Variants in LIMA1 observed in about 807,000 individuals in gnomAD.
LIMA1 encodes the protein LIM domain and actin binding 1.
LIMA1 carries 52 observed loss-of-function variants against 62.6 expected under a neutral mutation model. The observed-to-expected ratio is 0.83, with a 90% confidence interval of 0.67 to 1.05. The LOEUF is 1.05. Ranked by LOEUF, LIMA1 falls within the 50% of genes least tolerant of loss-of-function variation. The probability of loss-of-function intolerance (pLI) is 0.00; values close to 1 mark genes in which losing one functional copy is unlikely to be tolerated. For missense variants in LIMA1, 780 were observed against 902.2 expected (o/e 0.86, Z 1.74); for synonymous variants, 302 against 317.8 (o/e 0.95, Z 0.53).
intron 1 of LIMA1, among the ~76,000 whole-genome samples, chr12:50,269,033 G>A (rs913627864): frequency 6.6e-6 from 1 of 152,074 alleles, no homozygotes; most frequent in Non-Finnish European, 1.5e-5. Flanking sequence ...GCTCCTTTTG[G>A]CTCAAGTCTA....
At position 50,198,623 on chromosome 12, in the gene LIMA1, T is replaced by A. The variant is rs143116104; in HGVS notation, c.972+2154A>T. ...GTTGCTCTTAATCCATTTAATGATC[T>A]CCATGTCTTTTGGAAGAATGGCGTC... On this transcript the variant is annotated intron_variant, in intron 7 of 10. Transcript: ENST00000341247. Among the ~76,000 whole-genome samples, 57 of 152,284 alleles carry A rather than the reference T, an allele frequency of 3.7e-4. 1 individual carries two copies. The highest frequency in any genetic ancestry group is 6.8e-3 in the Middle Eastern group (2 of 294).
chr12:50,191,649 G>A (rs1426376532), intron 9 of LIMA1, among the ~76,000 whole-genome samples: 1 of 151,902 alleles, frequency 6.6e-6, no homozygotes, highest in Non-Finnish European at 1.5e-5. Flanking sequence ...GTGAAACCCC[G>A]TCTCTACTAA....
intron 1 of LIMA1, among the ~76,000 whole-genome samples, chr12:50,270,009 C>T (rs548537953): frequency 2.1e-5 from 3 of 140,814 alleles, no homozygotes; most frequent in East Asian, 2.2e-4. Flanking sequence ...CCGAGGTGGG[C>T]GGATCACCTG....
At chr12:50,256,229 C>T in intron 1 of LIMA1, 1 of 149,034 alleles carries the variant, frequency 6.7e-6, no homozygotes, top group South Asian at 2.1e-4. Flanking sequence ...TTTTTTTAAA[C>T]TTTTTTTTTT....
rs559226081 is a variant in LIMA1, at chr12:50,210,946, G to A, written c.631-4878C>T. Among the ~76,000 whole-genome samples, 12 of 152,236 alleles carry A rather than the reference G, an allele frequency of 7.9e-5. 2 individuals are homozygous for A. In the South Asian group the frequency reaches 2.5e-3, roughly 32 times the overall value. ...GAGAAACACAGCTGTGAGGTAAGAT[G>A]GGTTTTCATGATATCGCAGGTTCAG... On this transcript the variant is annotated intron_variant, in intron 4 of 10. Coordinates refer to ENST00000341247, the MANE Select transcript of LIMA1 (RefSeq NM_016357.5).
chr12:50,206,206 T>A (rs1941150549), intron 4 of LIMA1, 138 bp from the exon 5 acceptor site: 1 of 596,324 alleles, frequency 1.7e-6, no homozygotes, highest in Non-Finnish European at 2.7e-6. Context: ...TTTTTTAAAT[T>A]ACAAATATCA....
At position 50,176,262 on chromosome 12, in the gene LIMA1, AG is replaced by A. The variant is rs762254077; in HGVS notation, c.*801del. ...GGAAGATGGGGGACAGTGATCCCGA[AG>A]GTATTACTAAAATATTGCAGCTTTC... On this transcript the variant is annotated 3_prime_UTR_variant, in exon 11 of 11. Transcript: ENST00000341247. 3.9e-5 allele frequency: 6 copies of A among 152,196 alleles called. No individual in the cohort carries two copies. The highest frequency in any genetic ancestry group is 8.8e-5 in the Non-Finnish European group (6 of 68,030). The allele number at this position is 152,196 out of a possible 1,614,324, so 9.4% of individuals were successfully genotyped here.
chr12:50,250,141 A>G (rs1045915220), intron 1 of LIMA1, among the ~76,000 whole-genome samples: 2 of 151,892 alleles, frequency 1.3e-5, no homozygotes, highest in African/African-American at 4.8e-5. Flanking sequence ...TCTACTGAAA[A>G]CACAAAATTA....
intron 3 of LIMA1, among the ~76,000 whole-genome samples, chr12:50,227,658 G>GCTGCTTCCTCCA (rs1466305362): frequency 6.6e-6 from 1 of 152,066 alleles, no homozygotes; most frequent in Non-Finnish European, 1.5e-5. Context: ...CTGTGCGTGT[G>GCTGCTTCCTCCA]CTGCTTCCTC....
rs1181346690 is a variant in LIMA1 at position 50,177,094 on chromosome 12, C to T, written c.2250G>A (p.Arg750=). 1.3e-6 allele frequency: 2 copies of T among 1,593,404 alleles called. No individual in the cohort carries two copies. The highest frequency in any genetic ancestry group is 4.5e-5 in the East Asian group (2 of 44,704). Residue 750 remains arginine (R), a synonymous_variant, in exon 11 of 11, where the codon CGG becomes CGA. Transcript: ENST00000341247. ...LSVEEQIKRN[R]YYDEDEDEE ...CTTCATCCTCATCCTCATCATAATA[C>T]CGATTTCTCTTTATCTGTTCTTCCA...
At chr12:50,271,017 A>T (rs924050482) in intron 1 of LIMA1, among the ~76,000 whole-genome samples, 3 of 152,022 alleles carry the variant, frequency 2.0e-5, no homozygotes, top group African/African-American at 7.2e-5. Flanking sequence ...GCATGAACCC[A>T]GGAGGCGGAG....
intron 9 of LIMA1, chr12:50,189,124 C>A (rs1291659569): frequency 6.6e-6 from 1 of 152,274 alleles, no homozygotes; most frequent in African/African-American, 2.4e-5. Flanking sequence ...CCCGCCCATT[C>A]TTCCTGGACT....
chr12:50,226,731 C>G (rs993550092), intron 3 of LIMA1, among the ~76,000 whole-genome samples: 1 of 151,486 alleles, frequency 6.6e-6, no homozygotes, highest in Admixed American at 6.6e-5. Flanking sequence ...CCTAGCTACT[C>G]GGGAGGCTGA....
intron 1 of LIMA1, among the ~76,000 whole-genome samples, chr12:50,255,764 A>C (rs1323162887): frequency 6.6e-6 from 1 of 151,940 alleles, no homozygotes; most frequent in Non-Finnish European, 1.5e-5. Context: ...AGGGAATTTT[A>C]AATAAAAGCA....
At chr12:50,227,946 G>A (rs1941556974) in intron 3 of LIMA1, among the ~76,000 whole-genome samples, 1 of 150,230 alleles carries the variant, frequency 6.7e-6, no homozygotes, top group Non-Finnish European at 1.5e-5. Flanking sequence ...TGCAAGCTCC[G>A]CCTCCTGGGT....
intron 7 of LIMA1, among the ~76,000 whole-genome samples, chr12:50,197,197 A>C (rs1413086673): frequency 6.6e-6 from 1 of 150,928 alleles, no homozygotes; most frequent in Non-Finnish European, 1.5e-5. Context: ...CAGCCTCCCG[A>C]GTAGCTGGGA....
chr12:50,230,368 T>C (rs541794902), intron 3 of LIMA1, among the ~76,000 whole-genome samples: 13 of 152,156 alleles, frequency 8.5e-5, no homozygotes, highest in African/African-American at 2.9e-4. Context: ...GTCTGTCTTT[T>C]GCACTAGAAT....
chr12:50,215,620 C>T (rs920431437), intron 4 of LIMA1, among the ~76,000 whole-genome samples: 1 of 152,082 alleles, frequency 6.6e-6, no homozygotes, highest in Non-Finnish European at 1.5e-5. Flanking sequence ...CAGGCGCCCG[C>T]CACCACGCCC....
chr12:50,252,940 T>C (rs1941949216), intron 1 of LIMA1, among the ~76,000 whole-genome samples: 1 of 152,178 alleles, frequency 6.6e-6, no homozygotes, highest in South Asian at 2.1e-4. Flanking sequence ...TCTAAATTAC[T>C]AGTCAAGAAG....
Sources: gnomAD v4.1 joint callset for allele counts (sites outside exome capture counted in the v4.1 genomes callset) on GRCh38, gnomAD v4.1.1 for gene constraint, MANE v1.5 for transcripts, NCBI Gene and HGNC (gene_info 2026-07-23, HGNC 2026-07-21) for gene names.